Variants in B9D1 observed in about 807,000 individuals in gnomAD.
The protein encoded by B9D1 is B9 domain containing 1, also known as B9 domain-containing protein 1.
A neutral mutation model predicts 26.1 loss-of-function variants in B9D1; 20 were observed. The ratio of observed to expected loss-of-function variants is 0.77; its 90% CI spans 0.54 to 1.12. The LOEUF is 1.12. Among genes scored for constraint, B9D1 ranks in the 50% most tolerant of loss-of-function variants. The pLI is 0.00. For missense variants in B9D1, 260 were observed against 273.7 expected, an observed-to-expected ratio of 0.95 and a Z score of 0.35; for synonymous variants, 105 against 103.1, an observed-to-expected ratio of 1.02 and a Z score of -0.11.
chr17:19,350,497 C>T (rs566900143), intron 3 of B9D1, among the ~76,000 whole-genome samples: 8 of 152,038 alleles, frequency 5.3e-5, no homozygotes, highest in African/African-American at 1.9e-4. Flanking sequence ...GAGCTGAGAT[C>T]GTGCCACTGC....
rs1911830085 is a variant in B9D1 at position 19,370,312 on chromosome 17, G to T, written c.-298+7547C>A. On this transcript the variant is annotated intron_variant, in intron 1 of 5. Coordinates refer to the B9D1 transcript ENST00000477478. The surrounding 1 kb of genome is among the most constrained non-coding windows in gnomAD (Gnocchi z 5.1). The stretch of plus-strand genomic sequence containing the variant: ...GATGTCGTAGGACAACTGGGTGTTG[G>T]ATCTGGAGCTCAGGGAGAACAACCC... 1.3e-5 allele frequency among the ~76,000 whole-genome samples: 2 copies of T among 152,228 alleles called. No individual in the cohort carries two copies. The highest frequency in any genetic ancestry group is 4.8e-5 in the African/African-American group (2 of 41,460).
At chr17:19,367,822 A>G (rs1911679278) in intron 1 of B9D1, among the ~76,000 whole-genome samples, 1 of 152,132 alleles carries the variant, frequency 6.6e-6, no homozygotes, top group African/African-American at 2.4e-5. Context: ...GGGCTTCCTC[A>G]GCCCCTTGGT....
intron 3 of B9D1, among the ~76,000 whole-genome samples, chr17:19,355,689 C>A (rs892243820): frequency 1.3e-5 from 2 of 151,964 alleles, no homozygotes; most frequent in African/African-American, 4.8e-5. Flanking sequence ...AAAAAATTAG[C>A]CGGGCACGGT....
At chr17:19,369,142 G>A (rs530572068) in intron 1 of B9D1, among the ~76,000 whole-genome samples, 25 of 152,294 alleles carry the variant, frequency 1.6e-4, no homozygotes, top group Admixed American at 7.8e-4. Flanking sequence ...ATAGGGAAGC[G>A]TATAGGGTTA....
rs1311218153 is a variant in B9D1, at chr17:19,370,241, G to A, written c.-298+7618C>T. Among the ~76,000 whole-genome samples, 1 of 152,244 alleles carries A rather than the reference G, an allele frequency of 6.6e-6. No homozygotes were observed. The highest frequency in any genetic ancestry group is 2.4e-5 in the African/African-American group (1 of 41,462). On this transcript the variant is annotated intron_variant, in intron 1 of 5. Transcript: ENST00000477478. The surrounding 1 kb of genome is among the most constrained non-coding windows in gnomAD (Gnocchi z 5.1). ...GATTTGAGTTGTTTTTTGAAAGATT[G>A]CTCTGGCTACTGTGCAGAGTGGCTT...
At chr17:19,341,021 TTGGTAA>T (rs901819775), downstream of B9D1, 57 of 708,134 alleles carry the variant, frequency 8.0e-5, no homozygotes, top group African/African-American at 8.5e-4. Flanking sequence ...GAACAGGAAA[TTGGTAA>T]TGGTAAAATC....
chr17:19,349,623 C>A (rs1202711060), intron 3 of B9D1, among the ~76,000 whole-genome samples: 2 of 152,180 alleles, frequency 1.3e-5, no homozygotes, highest in Non-Finnish European at 2.9e-5. Flanking sequence ...CTCAAGCAAT[C>A]TTCCTGCCTC....
At chr17:19,369,992 G>A (rs1292923023) in intron 1 of B9D1, among the ~76,000 whole-genome samples, 1 of 152,146 alleles carries the variant, frequency 6.6e-6, no homozygotes, top group East Asian at 1.9e-4. Context: ...TTTTCCTGCA[G>A]ATTGAGAGAG....
At chr17:19,356,154 T>G (rs950073221) in intron 3 of B9D1, among the ~76,000 whole-genome samples, 3 of 152,032 alleles carry the variant, frequency 2.0e-5, no homozygotes, top group Non-Finnish European at 4.4e-5. Context: ...TGCAGTGGCA[T>G]AATCTCTGCT....
upstream of B9D1, among the ~76,000 whole-genome samples, chr17:19,366,549 C>T (rs538492809): frequency 6.6e-6 from 1 of 152,256 alleles, no homozygotes; most frequent in South Asian, 2.1e-4. Flanking sequence ...CCCCCTTTTA[C>T]AGATGGGGAA....
At chr17:19,377,708 G>T in intron 1 of B9D1, 2 of 327,878 alleles carry the variant, frequency 6.1e-6, no homozygotes, top group Non-Finnish European at 4.4e-6. Flanking sequence ...ATCGGATTTT[G>T]GGGTGGGTCG....
At chr17:19,363,395 A>G (rs1265821909), upstream of B9D1, among the ~76,000 whole-genome samples, 1 of 152,248 alleles carries the variant, frequency 6.6e-6, no homozygotes, top group Non-Finnish European at 1.5e-5. Context: ...ACAGTCTTGT[A>G]TCTTAGTGGC....
At chr17:19,360,168 C>G in intron 2 of B9D1, 152 bp downstream of exon 2, 1 of 750,314 alleles carries the variant, frequency 1.3e-6, no homozygotes, top group Non-Finnish European at 2.3e-6. Context: ...GTGTCCTCTG[C>G]TCCCGCTTTA....
chr17:19,362,372 C>A, intron 1 of B9D1, 135 bp downstream of exon 1: 1 of 652,316 alleles, frequency 1.5e-6, no homozygotes, highest in Non-Finnish European at 2.6e-6. Context: ...AATGCTGGCT[C>A]CCCTCCCCCG....
chr17:19,360,589 G>A (rs192307290), intron 1 of B9D1, among the ~76,000 whole-genome samples: 1 of 152,264 alleles, frequency 6.6e-6, no homozygotes. Flanking sequence ...CACGGCCCCT[G>A]GCTTTTGCTC....
downstream of B9D1, chr17:19,337,636 T>C (rs1907554325): frequency 1.5e-6 from 2 of 1,332,884 alleles, no homozygotes; most frequent in Admixed American, 2.0e-5. Context: ...GTAACACATC[T>C]CCAGGTCTCA....
rs996417216 is a variant in B9D1 at position 19,347,849 on chromosome 17, T to G, written c.276A>C (p.Pro92=). The change falls in exon 4 of 7, where the codon CCA becomes CCC. Residue 92 remains proline, a synonymous_variant. Transcript: ENST00000261499. The surrounding 1 kb of genome is among the most constrained non-coding windows in gnomAD (Gnocchi z 4.3). ...GAACCACATCGTTCCCGAACACATCTGGTCCATACACGCTGAGCACGATCT... is the reference window on the plus strand; with the variant it reads ...GAACCACATCGTTCCCGAACACATCGGGTCCATACACGCTGAGCACGATCT... ...WPQIVLSVYG[P]DVFGNDVVRG... is the part of the protein sequence containing the mutation. 1 of 1,613,970 alleles carries G rather than the reference T, an allele frequency of 6.2e-7. No individual in the cohort carries two copies. Among genetic ancestry groups the G allele is most frequent in the Admixed American group, 1.7e-5 (1 of 59,998 alleles).
downstream of B9D1, among the ~76,000 whole-genome samples, chr17:19,338,442 C>G (rs1202128838): frequency 6.6e-6 from 1 of 152,228 alleles, no homozygotes; most frequent in Non-Finnish European, 1.5e-5. Context: ...TGCACACTTC[C>G]ATCAAAAATG....
At chr17:19,368,361 GA>G (rs1477480645) in intron 1 of B9D1, among the ~76,000 whole-genome samples, 1 of 152,242 alleles carries the variant, frequency 6.6e-6, no homozygotes, top group Non-Finnish European at 1.5e-5. Flanking sequence ...GCTCACGGGA[GA>G]AAGTGCTTGG....
Sources: allele counts gnomAD v4.1 joint callset (sites outside exome capture counted in the v4.1 genomes callset), GRCh38; gene constraint gnomAD v4.1.1; non-coding constraint Gnocchi (gnomAD v3.1); transcripts MANE v1.5; gene names NCBI Gene and HGNC (gene_info 2026-07-23, HGNC 2026-07-21).